The following PDCD1LG2 variants were observed in gnomAD, a reference collection of about 807,000 sequenced individuals.
The protein encoded by PDCD1LG2 is programmed cell death 1 ligand 2, also known as B7 dendritic cell molecule.
In PDCD1LG2, 32 loss-of-function variants were observed where a neutral mutation model predicts 28.2. That is an observed-to-expected ratio of 1.13 (90% confidence interval 0.86 to 1.52). The LOEUF (loss-of-function observed/expected upper bound fraction) is 1.52, where lower values mean the gene tolerates loss of function less well. PDCD1LG2 is among the 40% of genes most tolerant of loss of function. PDCD1LG2 has a pLI of 0.00. For synonymous variants in PDCD1LG2, 116 were observed against 120.2 expected (o/e 0.97, Z 0.23); for missense variants, 385 against 323.8 (o/e 1.19, Z -1.45).
In PDCD1LG2 at chr9:5,570,401, C is replaced by T; in HGVS notation, c.*442C>T. ...TTTTATCTATAGCTTCCTCTGGGTA[C>T]TAGAAGAGGCTATTGAGACTATGAG... is the stretch of plus-strand genomic sequence containing the variant. On this transcript the variant is annotated 3_prime_UTR_variant, in exon 7 of 7. Transcript: ENST00000397747. The T allele has an allele frequency of 4.1e-6, 1 of 241,096 alleles. No homozygotes were observed. The highest frequency in any genetic ancestry group is 5.8e-5 in the East Asian group (1 of 17,116). The allele number at this position is 241,096 out of a possible 1,614,324, so 14.9% of individuals were successfully genotyped here.
In PDCD1LG2 at chr9:5,530,006, C is replaced by G. The variant is rs1457653445; in HGVS notation, c.56-4739C>G. 3.8e-5 allele frequency among the ~76,000 whole-genome samples: 5 copies of G among 132,344 alleles called. No homozygotes were observed. The East Asian group carries it at 1.3e-3, about 35-fold the overall frequency. 86.8% of individuals were successfully genotyped at this position (132,344 alleles called of 152,430 possible). On this transcript the variant is annotated intron_variant, in intron 2 of 6. Coordinates refer to ENST00000397747, the MANE Select transcript of PDCD1LG2 (RefSeq NM_025239.4). ...CCACCCCACCCTTACTTCTCAAGTACATTACGTGGCAAGTCTGAAAAAACT... is the reference window on the plus strand; with the variant it reads ...CCACCCCACCCTTACTTCTCAAGTAGATTACGTGGCAAGTCTGAAAAAACT...
chr9:5,566,249 T>G (rs73641642), intron 6 of PDCD1LG2, among the ~76,000 whole-genome samples: 1,595 of 152,286 alleles, frequency 0.01, 26 homozygotes, highest in African/African-American at 0.037. Context: ...CCTTCCAACT[T>G]AAGAAGCACA....
intron 3 of PDCD1LG2, among the ~76,000 whole-genome samples, chr9:5,541,307 C>A (rs1820682008): frequency 6.6e-6 from 1 of 152,042 alleles, no homozygotes; most frequent in African/African-American, 2.4e-5. Context: ...TGGAACAAGA[C>A]AAGACACTTT....
intron 2 of PDCD1LG2, among the ~76,000 whole-genome samples, chr9:5,523,680 G>A (rs1820319217): frequency 6.6e-6 from 1 of 152,198 alleles, no homozygotes; most frequent in African/African-American, 2.4e-5. Context: ...GCATTTTAGA[G>A]ACAAGCAAAA....
intron 2 of PDCD1LG2, among the ~76,000 whole-genome samples, chr9:5,525,464 A>G (rs868749071): frequency 1.3e-5 from 2 of 151,744 alleles, no homozygotes; most frequent in African/African-American, 4.8e-5. Flanking sequence ...AAGAACTTCA[A>G]CTGGAGAATG....
chr9:5,520,208 A>G (rs1820247315), intron 1 of PDCD1LG2, among the ~76,000 whole-genome samples: 1 of 152,264 alleles, frequency 6.6e-6, no homozygotes, highest in Non-Finnish European at 1.5e-5. Flanking sequence ...AAGCTACAGT[A>G]ATCAACGCTG....
chr9:5,527,252 A>ACCACC (rs1390706277), intron 2 of PDCD1LG2, among the ~76,000 whole-genome samples: 5 of 152,192 alleles, frequency 3.3e-5, no homozygotes, highest in African/African-American at 1.2e-4. Flanking sequence ...TATAACTACC[A>ACCACC]CCACCACAGT....
rs753455637 is a variant in PDCD1LG2, at chr9:5,534,926, G to A, written c.237G>A (p.Gln79=). 3.1e-6 allele frequency: 5 copies of A among 1,614,128 alleles called. No homozygotes were observed. Among genetic ancestry groups the A allele is most frequent in the Non-Finnish European group, 4.2e-6 (5 of 1,180,014 alleles). The change falls in exon 3 of 7, where the codon CAG becomes CAA. Residue 79 remains glutamine (Q), a synonymous_variant. Coordinates refer to ENST00000397747, the MANE Select transcript of PDCD1LG2 (RefSeq NM_025239.4). Reference sequence around the variant, plus strand: ...AAAGAGCCACTTTGCTGGAGGAGCAGCTGCCCCTAGGGAAGGCCTCGTTCC... The same window carrying A: ...AAAGAGCCACTTTGCTGGAGGAGCAACTGCCCCTAGGGAAGGCCTCGTTCC... ...HRERATLLEE[Q]LPLGKASFHI...
chr9:5,525,864 T>C lies in PDCD1LG2; in HGVS notation c.55+3263T>C, dbSNP rs571205816. Among the ~76,000 whole-genome samples the C allele has an allele frequency of 5.6e-3, 849 of 152,018 alleles. 9 individuals carry two copies. Among genetic ancestry groups the C allele is most frequent in the East Asian group, 0.02 (104 of 5,166 alleles). ...GAGACCGAGACCAGCCTGGCCCGCA[T>C]GGTGAAACCTCGTCTCTACAAAAAA... On this transcript the variant is annotated intron_variant, in intron 2 of 6. Transcript: ENST00000397747.
In PDCD1LG2 at chr9:5,549,398, C is replaced by T. The variant is rs757350993; in HGVS notation, c.425C>T (p.Thr142Ile). The change falls in exon 4 of 7, where the codon ACC (threonine) becomes ATC (isoleucine). Residue 142 changes from threonine to isoleucine, a missense_variant. Thr to Ile is a moderately conservative substitution (Grantham distance 89). Coordinates refer to ENST00000397747, the MANE Select transcript of PDCD1LG2 (RefSeq NM_025239.4). ...KVPETDEVEL[T>I]CQATGYPLAE... ...CCAGAAACAGATGAGGTAGAGCTCA[C>T]CTGCCAGGCTACAGGTTATCCTCTG... 4 of 1,614,144 alleles carry T rather than the reference C, an allele frequency of 2.5e-6. No individual in the cohort carries two copies. The highest frequency in any genetic ancestry group is 3.4e-6 in the Non-Finnish European group (4 of 1,179,978).
At chr9:5,543,840 A>T (rs1330367514) in intron 3 of PDCD1LG2, among the ~76,000 whole-genome samples, 1 of 151,842 alleles carries the variant, frequency 6.6e-6, no homozygotes, top group Non-Finnish European at 1.5e-5. Flanking sequence ...AATTATTTTA[A>T]AAAAGAAAAC....
At chr9:5,541,533 A>T (rs1015975838) in intron 3 of PDCD1LG2, among the ~76,000 whole-genome samples, 3 of 152,138 alleles carry the variant, frequency 2.0e-5, no homozygotes, top group Admixed American at 1.3e-4. Flanking sequence ...TAATGTACAC[A>T]AATCAGTAGC....
At chr9:5,550,787 G>T (rs753629915) in intron 4 of PDCD1LG2, among the ~76,000 whole-genome samples, 1 of 151,808 alleles carries the variant, frequency 6.6e-6, no homozygotes, top group Non-Finnish European at 1.5e-5. Flanking sequence ...CCTGCCTCCC[G>T]GGTTCAAGCT....
At chr9:5,559,286 G>C (rs190581603) in intron 5 of PDCD1LG2, among the ~76,000 whole-genome samples, 4 of 152,350 alleles carry the variant, frequency 2.6e-5, no homozygotes, top group African/African-American at 9.6e-5. Context: ...GTGAATAAAT[G>C]TGCAAACAAT....
intron 2 of PDCD1LG2, among the ~76,000 whole-genome samples, chr9:5,534,498 C>G (rs1044660357): frequency 3.3e-5 from 5 of 152,122 alleles, no homozygotes; most frequent in African/African-American, 1.2e-4. Flanking sequence ...CAGAGAGGAG[C>G]AAAGGGCAGT....
intron 2 of PDCD1LG2, among the ~76,000 whole-genome samples, chr9:5,533,441 T>C (rs1299266616): frequency 6.6e-6 from 1 of 152,092 alleles, no homozygotes; most frequent in Admixed American, 6.5e-5. Flanking sequence ...AAATAGAGAA[T>C]AGGAAGAAAA....
chr9:5,516,202 C>T (rs1252798538), intron 1 of PDCD1LG2, among the ~76,000 whole-genome samples: 1 of 152,098 alleles, frequency 6.6e-6, no homozygotes, highest in African/African-American at 2.4e-5. Context: ...CAGACACCCA[C>T]CACTACATCC....
intron 2 of PDCD1LG2, among the ~76,000 whole-genome samples, chr9:5,524,466 C>A (rs947346002): frequency 6.6e-6 from 1 of 152,176 alleles, no homozygotes; most frequent in Non-Finnish European, 1.5e-5. Flanking sequence ...ATTTTCTTCA[C>A]GAATTTGGAA....
intron 3 of PDCD1LG2, among the ~76,000 whole-genome samples, chr9:5,542,407 G>C (rs1227560349): frequency 6.6e-6 from 1 of 152,204 alleles, no homozygotes. Context: ...ACAACCCACA[G>C]AGTGGGAGAA....
Sources: gnomAD v4.1 joint callset for allele counts (sites outside exome capture counted in the v4.1 genomes callset) on GRCh38, gnomAD v4.1.1 for gene constraint, MANE v1.5 for transcripts, NCBI Gene and HGNC (gene_info 2026-07-23, HGNC 2026-07-21) for gene names.